Variants in ITGA3 observed in about 807,000 individuals in gnomAD.
ITGA3 encodes the protein integrin alpha-3.
In ITGA3, 70 loss-of-function variants were observed where a neutral mutation model predicts 131.1. That is an observed-to-expected ratio of 0.53 (90% CI 0.44 to 0.65). ITGA3 has a LOEUF of 0.65. Among genes scored for constraint, ITGA3 ranks in the 30% least tolerant of loss-of-function variants. The pLI, the probability that ITGA3 is intolerant of heterozygous loss-of-function variation, is 0.00. For synonymous variants in ITGA3, 537 were observed against 571.6 expected, an observed-to-expected ratio of 0.94 and a Z score of 0.86; for missense variants, 1,098 against 1,388.6, an observed-to-expected ratio of 0.79 and a Z score of 3.33.
At position 50,071,320 on chromosome 17, in the gene ITGA3, T is replaced by C. The variant is rs141746825; in HGVS notation, c.761T>C (p.Met254Thr). 38 of 1,613,898 alleles carry C rather than the reference T, an allele frequency of 2.4e-5. No individual in the cohort carries two copies. The highest frequency in any genetic ancestry group is 3.2e-5 in the Non-Finnish European group (38 of 1,180,034). Residue 254 changes from methionine (M) to threonine (T), a missense_variant, in exon 6 of 26, where the codon ATG becomes ACG. Physicochemically the swap from Met to Thr is moderately conservative, Grantham distance 81 (BLOSUM62 -1). Coordinates refer to ENST00000320031, the MANE Select transcript of ITGA3 (RefSeq NM_002204.4). ...CTTCCCTCTATCCCAGGGTACACGA[T>C]GCAGGTAGGCAGCTTCATCCTGCAC... The part of the protein sequence containing the change: ...DQGNLYIGYT[M>T]QVGSFILHPK...
At chr17:50,073,266 A>G (rs939643481) in intron 7 of ITGA3, among the ~76,000 whole-genome samples, 3 of 152,210 alleles carry the variant, frequency 2.0e-5, no homozygotes, top group Admixed American at 6.5e-5. Flanking sequence ...CTTTCAGTGA[A>G]GTTCACTGTA....
Position 50,068,071 on chromosome 17 carries a change from T to C in ITGA3, c.430T>C (p.Tyr144His). 1 of 1,614,046 alleles carries C rather than the reference T, an allele frequency of 6.2e-7. No homozygotes were observed. Among genetic ancestry groups the C allele is most frequent in the East Asian group, 2.2e-5 (1 of 44,888 alleles). Residue 144 changes from tyrosine to histidine, a missense_variant, in exon 4 of 26, where the codon TAC becomes CAC. Physicochemically the swap from Tyr to His is moderately conservative, Grantham distance 83. Around this residue, in one of 3 missense-constraint regions of ITGA3, gnomAD observed 356 missense variants for 529.2 expected, o/e 0.67. Transcript: ENST00000320031. The part of the protein sequence containing the change: ...AGRVLVCAHR[Y>H]TQVLWSGSED... Reference sequence around the variant, plus strand: ...GGGTCCCCAGGTCTGTGCCCACCGCTACACCCAGGTGCTGTGGTCAGGGTC... The same window carrying C: ...GGGTCCCCAGGTCTGTGCCCACCGCCACACCCAGGTGCTGTGGTCAGGGTC...
intron 12 of ITGA3, 85 bp downstream of exon 12, chr17:50,075,820 C>T (rs1241051510): frequency 8.4e-6 from 12 of 1,421,854 alleles, no homozygotes; most frequent in Admixed American, 3.7e-5. Flanking sequence ...GGGTGAGGGA[C>T]GGGGGTCTCC....
chr17:50,076,312 C>A lies in ITGA3; in HGVS notation c.1675-14C>A. 6.2e-7 allele frequency: 1 copy of A among 1,611,682 alleles called. No individual in the cohort carries two copies. Among genetic ancestry groups the A allele is most frequent in the Non-Finnish European group, 8.5e-7 (1 of 1,178,862 alleles). On this transcript the variant is annotated splice_polypyrimidine_tract_variant and intron_variant, in intron 12 of 25. Transcript: ENST00000320031. Reference sequence around the variant, plus strand: ...GCAGTGCAGGGCCGGGCTCAGCTCACCCTCTCTCCCCAGGACAACCTCCGT... The same window carrying A: ...GCAGTGCAGGGCCGGGCTCAGCTCAACCTCTCTCCCCAGGACAACCTCCGT...
In ITGA3 at chr17:50,064,430, T is replaced by G; in HGVS notation, c.335-98T>G. The G allele has an allele frequency of 8.0e-7, 1 of 1,247,726 alleles. No individual in the cohort carries two copies. Among genetic ancestry groups the G allele is most frequent in the Non-Finnish European group, 1.1e-6 (1 of 891,226 alleles). The allele number at this position is 1,247,726 out of a possible 1,614,324, so 77.3% of individuals were successfully genotyped here. A position where few individuals can be genotyped will look rare whatever the true frequency, so the allele number is the denominator to read the frequency against. On this transcript the variant is annotated intron_variant, in intron 2 of 25. Transcript: ENST00000320031. This position sits in a 1 kb window ranked among gnomAD's most constrained non-coding sequence, Gnocchi z 4.4. ...GGAGTTGGGAGGGCTGCCCTGTGGGTGGAGGGCCCAAGCGGGACCCACTCC... is the reference window on the plus strand; with the variant it reads ...GGAGTTGGGAGGGCTGCCCTGTGGGGGGAGGGCCCAAGCGGGACCCACTCC...
chr17:50,071,886 C>A, intron 6 of ITGA3, 100 bp from the exon 7 acceptor site: 1 of 1,072,388 alleles, frequency 9.3e-7, no homozygotes, highest in Non-Finnish European at 1.3e-6. Flanking sequence ...GAGCCATTTG[C>A]AGAGCCCTGT....
intron 25 of ITGA3, 49 bp downstream of exon 25, chr17:50,088,415 C>T: frequency 1.0e-6 from 1 of 989,014 alleles, no homozygotes; most frequent in South Asian, 1.4e-5. Flanking sequence ...GCTGGCCGGG[C>T]CTCTGACTCT....
chr17:50,079,548 G>T lies in ITGA3; in HGVS notation c.2697G>T (p.Glu899Asp). 6.5e-7 allele frequency: 1 copy of T among 1,545,824 alleles called. No individual in the cohort carries two copies. Among genetic ancestry groups the T allele is most frequent in the Non-Finnish European group, 8.7e-7 (1 of 1,147,958 alleles). ...TLAAAKKAKS[E>D]TVLTCATGRA... is the part of the protein sequence containing the mutation. ...CTGCTGCCAAAAAAGCCAAGTCTGA[G>T]ACTGTGCTGGTGAGTGGCCAGGGCG... The change falls in exon 21 of 26, where the codon GAG (glutamate) becomes GAT (aspartate). Residue 899 changes from glutamate (E) to aspartate (D), a missense_variant. Around this residue, in one of 3 missense-constraint regions of ITGA3, gnomAD observed 699 missense variants for 829.2 expected, o/e 0.84. Transcript: ENST00000320031.
chr17:50,057,016 TC>T (rs926349362), intron 1 of ITGA3, among the ~76,000 whole-genome samples: 1 of 152,040 alleles, frequency 6.6e-6, no homozygotes, highest in Non-Finnish European at 1.5e-5. Context: ...CCCAGCGGAC[TC>T]CCCCCTTCCC....
At chr17:50,079,029 G>C in intron 19 of ITGA3, 47 bp from the exon 20 acceptor site, 1 of 1,574,638 alleles carries the variant, frequency 6.4e-7, no homozygotes, top group Non-Finnish European at 8.7e-7. Context: ...GTAAGATGGA[G>C]GTGGTTTTCC....
intron 7 of ITGA3, 92 bp downstream of exon 7, chr17:50,072,274 T>G: frequency 8.5e-7 from 1 of 1,176,276 alleles, no homozygotes; most frequent in Non-Finnish European, 1.2e-6. Context: ...ACATCAGGCT[T>G]GACAGGGCCC....
chr17:50,078,404 C>G, intron 18 of ITGA3, 120 bp downstream of exon 18: 2 of 724,708 alleles, frequency 2.8e-6, no homozygotes, highest in Admixed American at 2.6e-5. Flanking sequence ...CCTCAGGCCT[C>G]CACTTTCCCT....
At chr17:50,085,709 C>T (rs371732418) in intron 23 of ITGA3, among the ~76,000 whole-genome samples, 23 of 72,194 alleles carry the variant, frequency 3.2e-4, no homozygotes, top group African/African-American at 9.4e-4. Flanking sequence ...TTAGATTATA[C>T]ATTATAGATT....
Position 50,064,622 on chromosome 17 carries a change from A to AG in ITGA3, c.414+16dup. On this transcript the variant is annotated intron_variant, in intron 3 of 25. Transcript: ENST00000320031. This position sits in a 1 kb window ranked among gnomAD's most constrained non-coding sequence, Gnocchi z 4.4. ...GCAGAGTTCTGGTAAGTGGGTGCTC[A>AG]GTGTTGGCTCCTCCACCTCTACCCG... is the stretch of plus-strand genomic sequence containing the variant. 6.2e-7 allele frequency: 1 copy of AG among 1,606,434 alleles called. No homozygotes were observed. Among genetic ancestry groups the AG allele is most frequent in the Non-Finnish European group, 8.5e-7 (1 of 1,176,460 alleles).
chr17:50,056,664 TGTGGG>T lies in ITGA3; in HGVS notation c.206+25_206+29del. On this transcript the variant is annotated intron_variant, in intron 1 of 25. Coordinates refer to ENST00000320031, the MANE Select transcript of ITGA3 (RefSeq NM_002204.4). This position sits in a 1 kb window ranked among gnomAD's most constrained non-coding sequence, Gnocchi z 5.6. ...GCTACCTGTAAGTGAAGCTGGAGGG[TGTGGG>T]GTGGGAGCGAGAGAGTGTGCGAGCG... The T allele has an allele frequency of 6.3e-7, 1 of 1,588,268 alleles. No homozygotes were observed. The highest frequency in any genetic ancestry group is 8.6e-7 in the Non-Finnish European group (1 of 1,168,938).
At chr17:50,066,496 T>C (rs923311267) in intron 3 of ITGA3, among the ~76,000 whole-genome samples, 5 of 152,054 alleles carry the variant, frequency 3.3e-5, no homozygotes, top group African/African-American at 1.2e-4. Context: ...TTTTCTCATT[T>C]TAAAATTTGA....
rs191640679 is a variant in ITGA3, at chr17:50,056,760, G to C, written c.206+115G>C. 351 of 1,076,666 alleles carry C rather than the reference G, an allele frequency of 3.3e-4. No homozygotes were observed. The African/African-American group carries it at 4.8e-3, about 15-fold the overall frequency. The allele number at this position is 1,076,666 out of a possible 1,614,324, so 66.7% of individuals were successfully genotyped here. A position where few individuals can be genotyped will look rare whatever the true frequency, so the allele number is the denominator to read the frequency against. On this transcript the variant is annotated intron_variant, in intron 1 of 25. Coordinates refer to ENST00000320031, the MANE Select transcript of ITGA3 (RefSeq NM_002204.4). The surrounding 1 kb of genome is among the most constrained non-coding windows in gnomAD (Gnocchi z 5.6). Reference sequence around the variant, plus strand: ...TGGCCCTTGGGAGCCAGGATTAAGGGGCGGCCCTCTGGCTGCTGGGGGTTG... The same window carrying C: ...TGGCCCTTGGGAGCCAGGATTAAGGCGCGGCCCTCTGGCTGCTGGGGGTTG...
chr17:50,078,337 G>C, intron 18 of ITGA3, 53 bp downstream of exon 18: 1 of 1,498,834 alleles, frequency 6.7e-7, no homozygotes, highest in Admixed American at 1.7e-5. Flanking sequence ...CTAAGCTAGG[G>C]TTCCCTATCC....
rs1908968706 is a variant in ITGA3, at chr17:50,077,436, C to T, written c.2128C>T (p.Arg710Trp). Reference sequence around the variant, plus strand: ...TTGCGAGCTGGGGAACCCCTTCAAACGGAACCAGAGGGTGAGCACCGGCCA... The same window carrying T: ...TTGCGAGCTGGGGAACCCCTTCAAATGGAACCAGAGGGTGAGCACCGGCCA... ...IFCELGNPFKRNQRMELLIAF... is the reference protein window; with the variant it reads ...IFCELGNPFKWNQRMELLIAF... The change falls in exon 16 of 26, where the codon CGG becomes TGG. Residue 710 changes from arginine (R) to tryptophan (W), a missense_variant. Physicochemically the swap from Arg to Trp is moderately radical, Grantham distance 101. Transcript: ENST00000320031. The T allele has an allele frequency of 3.7e-6, 6 of 1,613,610 alleles. No individual in the cohort carries two copies. Among genetic ancestry groups the T allele is most frequent in the Non-Finnish European group, 5.1e-6 (6 of 1,179,544 alleles).
Sources: allele counts gnomAD v4.1 joint callset (sites outside exome capture counted in the v4.1 genomes callset), GRCh38; gene constraint gnomAD v4.1.1; regional missense constraint gnomAD v4.1.1; non-coding constraint Gnocchi (gnomAD v3.1); transcripts MANE v1.5; gene names NCBI Gene and HGNC (gene_info 2026-07-23, HGNC 2026-07-21).